Variants in GRM5 observed in about 807,000 individuals in gnomAD.
The protein encoded by GRM5 is metabotropic glutamate receptor 5.
In GRM5, 19 loss-of-function variants were observed where a neutral mutation model predicts 83.1. The ratio of observed to expected loss-of-function variants is 0.23; its 90% CI spans 0.16 to 0.34. The LOEUF (loss-of-function observed/expected upper bound fraction) is 0.34. Ranked by LOEUF, GRM5 falls within the 10% of genes least tolerant of loss-of-function variation. The probability of loss-of-function intolerance (pLI) is 1.00; values close to 1 mark genes in which losing one functional copy is unlikely to be tolerated. For synonymous variants in GRM5, 675 were observed against 633.6 expected (o/e 1.07, Z -0.98); for missense variants, 1,160 against 1,588.3 (o/e 0.73, Z 4.58).
intron 2 of GRM5, among the ~76,000 whole-genome samples, chr11:88,904,720 C>A (rs750692366): frequency 1.3e-5 from 2 of 152,060 alleles, no homozygotes; most frequent in Non-Finnish European, 2.9e-5. Flanking sequence ...GTATTACACA[C>A]AATGCATTTT....
At chr11:88,633,052 T>A (rs1939020529) in intron 4 of GRM5, among the ~76,000 whole-genome samples, 1 of 152,210 alleles carries the variant, frequency 6.6e-6, no homozygotes, top group Non-Finnish European at 1.5e-5. Flanking sequence ...TCAAAGAAGA[T>A]GTATGGTTGG....
At chr11:89,000,606 A>T (rs539060489) in intron 2 of GRM5, among the ~76,000 whole-genome samples, 10 of 152,272 alleles carry the variant, frequency 6.6e-5, no homozygotes, top group African/African-American at 2.4e-4. Flanking sequence ...TTTTAGGAAA[A>T]AATAGAACAA....
chr11:88,839,629 G>A (rs548227001), intron 3 of GRM5, among the ~76,000 whole-genome samples: 1 of 152,090 alleles, frequency 6.6e-6, no homozygotes, highest in Non-Finnish European at 1.5e-5. Flanking sequence ...TCTTTGGAGA[G>A]AAATAAAATG....
chr11:88,524,118 C>A (rs1426057966), intron 9 of GRM5: 1 of 152,046 alleles, frequency 6.6e-6, no homozygotes, highest in Admixed American at 6.6e-5. Flanking sequence ...ACTCAAGGCT[C>A]CTTCAACATT....
chr11:88,877,637 A>G (rs191977852), intron 2 of GRM5, among the ~76,000 whole-genome samples: 94 of 152,094 alleles, frequency 6.2e-4, no homozygotes, highest in African/African-American at 2.1e-3. Context: ...CCTGGGCAAC[A>G]TGGCAAAACC....
intron 2 of GRM5, among the ~76,000 whole-genome samples, chr11:88,861,653 G>A (rs1944565800): frequency 6.6e-6 from 1 of 151,808 alleles, no homozygotes; most frequent in Non-Finnish European, 1.5e-5. Context: ...TTTTTGTAGA[G>A]ACTAAATTTC....
chr11:88,888,405 A>T (rs895569189), intron 2 of GRM5, among the ~76,000 whole-genome samples: 10 of 152,280 alleles, frequency 6.6e-5, no homozygotes, highest in South Asian at 2.1e-4. Flanking sequence ...GGGAAACACC[A>T]TTCCCAGCAG....
At chr11:89,001,684 T>C (rs1250808784) in intron 2 of GRM5, among the ~76,000 whole-genome samples, 1 of 152,122 alleles carries the variant, frequency 6.6e-6, no homozygotes, top group African/African-American at 2.4e-5. Context: ...AAGGTTACCA[T>C]TTGAGGAAAA....
intron 3 of GRM5, among the ~76,000 whole-genome samples, chr11:88,830,432 C>A (rs927892944): frequency 5.3e-5 from 8 of 152,150 alleles, no homozygotes; most frequent in African/African-American, 1.9e-4. Context: ...AATCTCCAAG[C>A]AAATGGATAA....
At chr11:88,737,445 T>C (rs1020184157) in intron 3 of GRM5, among the ~76,000 whole-genome samples, 22 of 152,226 alleles carry the variant, frequency 1.4e-4, no homozygotes, top group African/African-American at 4.8e-4. Flanking sequence ...CTGTATAACA[T>C]GTATTAAACA....
chr11:88,984,356 T>C (rs1272721340), intron 2 of GRM5, among the ~76,000 whole-genome samples: 1 of 152,304 alleles, frequency 6.6e-6, no homozygotes, highest in East Asian at 1.9e-4. Flanking sequence ...CAATTGCCTA[T>C]AGTTTTCACT....
chr11:88,839,595 T>A (rs1327073862), intron 3 of GRM5, among the ~76,000 whole-genome samples: 1 of 152,222 alleles, frequency 6.6e-6, no homozygotes, highest in East Asian at 1.9e-4. Context: ...CCACTTAAAC[T>A]ATTTTTCATG....
intron 2 of GRM5, among the ~76,000 whole-genome samples, chr11:88,984,279 T>C (rs1235222616): frequency 6.6e-6 from 1 of 152,152 alleles, no homozygotes; most frequent in African/African-American, 2.4e-5. Flanking sequence ...CCATTTTTTA[T>C]CTTTTATATT....
chr11:88,822,100 C>T (rs1943809099), intron 3 of GRM5, among the ~76,000 whole-genome samples: 1 of 152,104 alleles, frequency 6.6e-6, no homozygotes, highest in South Asian at 2.1e-4. Context: ...TCATATACCA[C>T]ATATTTTGTG....
rs769856261 is a variant in GRM5 at position 88,590,641 on chromosome 11, C to G, written c.1650G>C (p.Lys550Asn). ...TGGGCCAAGACCCCAGTTGGCATGC[C>G]TTGCATGTGTACTCATCAAAGACAT... ...NEYVFDEYTC[K>N]ACQLGSWPTD... The change falls in exon 7 of 10, where the codon AAG (lysine) becomes AAC (asparagine). Residue 550 changes from lysine to asparagine, a missense_variant. This residue lies in a region of GRM5 where 132 missense variants were observed against 245.5 expected (regional missense o/e 0.54). Coordinates refer to ENST00000305447, the MANE Select transcript of GRM5 (RefSeq NM_001143831.3). 1.9e-6 allele frequency: 3 copies of G among 1,609,770 alleles called. No individual in the cohort carries two copies. In the East Asian group the frequency reaches 6.7e-5, roughly 36 times the overall value.
chr11:88,682,306 T>C (rs1940516598), intron 3 of GRM5, among the ~76,000 whole-genome samples: 1 of 152,192 alleles, frequency 6.6e-6, no homozygotes, highest in African/African-American at 2.4e-5. Context: ...GCAGGGCCTG[T>C]GAGATGTAAA....
In GRM5 at chr11:88,604,778, T is replaced by C. The variant is rs1301743051; in HGVS notation, c.1334A>G (p.Asn445Ser). 1.1e-5 allele frequency: 18 copies of C among 1,612,696 alleles called. No homozygotes were observed. The highest frequency in any genetic ancestry group is 1.4e-5 in the Non-Finnish European group (17 of 1,178,792). ...CGTATCTCCAGAAACCCCAGTAAAA[T>C]TGGTTTTCATCAGGGACTCCAAAAG... ...RKLLESLMKT[N>S]FTGVSGDTIL... The change falls in exon 5 of 10, where the codon AAT (asparagine) becomes AGT (serine). Residue 445 changes from asparagine to serine, a missense_variant. This residue lies in a region of GRM5 where 132 missense variants were observed against 197.6 expected (regional missense o/e 0.67). Coordinates refer to ENST00000305447, the MANE Select transcript of GRM5 (RefSeq NM_001143831.3).
At chr11:88,619,184 T>C (rs1938566113) in intron 4 of GRM5, among the ~76,000 whole-genome samples, 1 of 152,200 alleles carries the variant, frequency 6.6e-6, no homozygotes, top group Non-Finnish European at 1.5e-5. Context: ...ACTGGAACTT[T>C]GAAGTAGCTG....
chr11:88,674,336 A>G (rs754475000), intron 3 of GRM5, among the ~76,000 whole-genome samples: 4 of 151,848 alleles, frequency 2.6e-5, no homozygotes, highest in South Asian at 2.1e-4. Flanking sequence ...AAATTTTTCT[A>G]TTGCACTTTT....
Sources: allele counts gnomAD v4.1 joint callset (sites outside exome capture counted in the v4.1 genomes callset), GRCh38; gene constraint gnomAD v4.1.1; regional missense constraint gnomAD v4.1.1; transcripts MANE v1.5; gene names NCBI Gene and HGNC (gene_info 2026-07-23, HGNC 2026-07-21).